AIFM3: variants seen among roughly 807,000 people sequenced by gnomAD.
The protein encoded by AIFM3 is apoptosis-inducing factor 3.
A neutral mutation model predicts 82.7 loss-of-function variants in AIFM3; 71 were observed. The ratio of observed to expected loss-of-function variants is 0.86; its 90% CI spans 0.71 to 1.05. AIFM3 has a LOEUF of 1.05. AIFM3 is among the 50% of genes least tolerant of loss of function. The pLI is 0.00. For missense variants in AIFM3, 748 were observed against 816.7 expected (o/e 0.92, Z 1.03); for synonymous variants, 337 against 329.1 (o/e 1.02, Z -0.26).
chr22:20,967,619 A>T, intron 1 of AIFM3, 186 bp from the exon 2 acceptor site: 1 of 425,862 alleles, frequency 2.3e-6, no homozygotes, highest in South Asian at 3.6e-5. Context: ...GGAGTGAGGG[A>T]GCTGAGCTTG....
At chr22:20,976,983 C>T (rs964569212) in intron 13 of AIFM3, 45 bp downstream of exon 13, 4 of 1,614,162 alleles carry the variant, frequency 2.5e-6, no homozygotes, top group Non-Finnish European at 3.4e-6. Context: ...TCCTCTGTCC[C>T]CTGAGCCTGG....
intron 2 of AIFM3, among the ~76,000 whole-genome samples, chr22:20,973,079 C>G (rs1446604443): frequency 6.6e-6 from 1 of 151,102 alleles, no homozygotes; most frequent in Non-Finnish European, 1.5e-5. Context: ...CATGCAGAAA[C>G]GAATTCAAGC....
chr22:20,978,148 C>T, intron 16 of AIFM3, 143 bp downstream of exon 16: 1 of 783,550 alleles, frequency 1.3e-6, no homozygotes, highest in African/African-American at 1.7e-5. Flanking sequence ...TGGCCAGCCT[C>T]ATCTCGGCGA....
intron 20 of AIFM3, 24 bp downstream of exon 20, chr22:20,980,791 C>T (rs199723855): frequency 1.2e-5 from 20 of 1,614,108 alleles, no homozygotes; most frequent in South Asian, 1.1e-4. Context: ...TCATGTTGAC[C>T]GTTCTGAGCC....
chr22:20,974,090 G>A lies in AIFM3; in HGVS notation c.383G>A (p.Cys128Tyr). Residue 128 changes from cysteine (C) to tyrosine (Y), a missense_variant, in exon 5 of 21, where the codon TGC (cysteine) becomes TAC (tyrosine). Coordinates refer to ENST00000440238, the MANE Select transcript of AIFM3 (RefSeq NM_001386814.1). ...GTTCTGTCCCGTGGTCGGGTGCGCT[G>A]CCCCTGGCACGGCGCCTGCTTCAAC... ...KGVLSRGRVR[C>Y]PWHGACFNIS... The A allele has an allele frequency of 6.2e-7, 1 of 1,611,800 alleles. No individual in the cohort carries two copies.
At chr22:20,977,546 G>C in intron 14 of AIFM3, 154 bp from the exon 15 acceptor site, 1 of 841,398 alleles carries the variant, frequency 1.2e-6, no homozygotes, top group Non-Finnish European at 1.9e-6. Flanking sequence ...GTGGGAGACC[G>C]GGTAGTGGGG....
In AIFM3 at chr22:20,973,196, G is replaced by T. The variant is rs1923380634; in HGVS notation, c.32-111G>T. On this transcript the variant is annotated intron_variant, in intron 2 of 20. Transcript: ENST00000440238. ...AGAGGGAATTCTGGGGAGGTTGCCA[G>T]GCAGGGCTGAGCCTCCTGGCACCCC... 12 of 1,292,210 alleles carry T rather than the reference G, an allele frequency of 9.3e-6. No homozygotes were observed. The Admixed American group carries it at 2.5e-4, about 27-fold the overall frequency. The allele number at this position is 1,292,210 out of a possible 1,614,324, so 80.0% of individuals were successfully genotyped here. A position where few individuals can be genotyped will look rare whatever the true frequency, so the allele number is the denominator to read the frequency against.
chr22:20,974,827 T>C lies in AIFM3; in HGVS notation c.720+11T>C. 1 of 1,611,084 alleles carries C rather than the reference T, an allele frequency of 6.2e-7. No homozygotes were observed. Among genetic ancestry groups the C allele is most frequent in the South Asian group, 1.1e-5 (1 of 90,928 alleles). ...CCCAAGCTCAGCAAGGTACAGGGGGTGGGGCAAGTAGGGACCCTATCCCTC... is the reference window on the plus strand; with the variant it reads ...CCCAAGCTCAGCAAGGTACAGGGGGCGGGGCAAGTAGGGACCCTATCCCTC... On this transcript the variant is annotated intron_variant, in intron 8 of 20. Coordinates refer to ENST00000440238, the MANE Select transcript of AIFM3 (RefSeq NM_001386814.1).
At position 20,971,713 on chromosome 22, in the gene AIFM3, G is replaced by A. The variant is rs572321954; in HGVS notation, c.32-1594G>A. Among the ~76,000 whole-genome samples, 27 of 152,288 alleles carry A rather than the reference G, an allele frequency of 1.8e-4. 1 individual carries two copies. The highest frequency in any genetic ancestry group is 8.5e-4 in the Admixed American group (13 of 15,302). ...GAGAGGTACCTCCTGCTCCAGCATC[G>A]GGCCCATGCTGTGCCAGGGGCTTAG... On this transcript the variant is annotated intron_variant, in intron 2 of 20. Coordinates refer to ENST00000440238, the MANE Select transcript of AIFM3 (RefSeq NM_001386814.1).
In AIFM3 at chr22:20,980,104, C is replaced by A. The variant is rs1436586991; in HGVS notation, c.1737C>A (p.Ala579=). The change falls in exon 19 of 21, where the codon GCC becomes GCA. Residue 579 remains alanine, a synonymous_variant. Coordinates refer to ENST00000440238, the MANE Select transcript of AIFM3 (RefSeq NM_001386814.1). The stretch of plus-strand genomic sequence containing the variant: ...CTGAGGTGCTGGCCTCAGGCCGTGC[C>A]ATCCGGAAGCGGGAGGTGGAGTGAG... ...KVAEVLASGR[A]IRKREVELFV... 1.2e-6 allele frequency: 2 copies of A among 1,608,860 alleles called. No homozygotes were observed. Among genetic ancestry groups the A allele is most frequent in the Non-Finnish European group, 1.7e-6 (2 of 1,179,982 alleles).
upstream of AIFM3, among the ~76,000 whole-genome samples, chr22:20,966,171 AG>A (rs1159636546): frequency 2.6e-5 from 4 of 152,204 alleles, no homozygotes; most frequent in Non-Finnish European, 5.9e-5. Context: ...CCCAGTGGCA[AG>A]ACCAGGTCTG....
chr22:20,980,214 C>A, intron 19 of AIFM3, 90 bp downstream of exon 19: 2 of 1,172,290 alleles, frequency 1.7e-6, no homozygotes, highest in Non-Finnish European at 2.4e-6. Context: ...CCCCACAACC[C>A]TCCAGGGCCT....
intron 16 of AIFM3, among the ~76,000 whole-genome samples, chr22:20,978,239 T>G (rs1193205864): frequency 6.6e-6 from 1 of 152,172 alleles, no homozygotes; most frequent in Non-Finnish European, 1.5e-5. Context: ...AGTCTCTCCC[T>G]TTTTTGTCTT....
In AIFM3 at chr22:20,976,218, G is replaced by A. The variant is rs199698549; in HGVS notation, c.811G>A (p.Val271Ile). Reference protein sequence around the residue: ...GIEVLTEAQVVTVDVRTKKVV... With the variant: ...GIEVLTEAQVITVDVRTKKVV... ...CTCTGCCTGGTGGGGATTGCAGGTGGTCACAGTGGACGTGAGAACTAAGAA... is the reference window on the plus strand; with the variant it reads ...CTCTGCCTGGTGGGGATTGCAGGTGATCACAGTGGACGTGAGAACTAAGAA... Residue 271 changes from valine to isoleucine, a missense_variant, in exon 10 of 21, where the codon GTC becomes ATC. Val to Ile is a conservative substitution (Grantham distance 29). This residue lies in a region of AIFM3 where 393 missense variants were observed against 481.1 expected (regional missense o/e 0.82). Transcript: ENST00000440238. The A allele has an allele frequency of 8.7e-6, 14 of 1,613,188 alleles. No homozygotes were observed. The highest frequency in any genetic ancestry group is 1.6e-4 in the Middle Eastern group (1 of 6,062).
At chr22:20,975,137 T>G (rs927017133) in intron 8 of AIFM3, among the ~76,000 whole-genome samples, 1 of 151,974 alleles carries the variant, frequency 6.6e-6, no homozygotes, top group Non-Finnish European at 1.5e-5. Flanking sequence ...GGCTAATTTT[T>G]TGTATTTTTA....
In AIFM3 at chr22:20,979,808, G is replaced by A. The variant is rs553554123; in HGVS notation, c.1652+106G>A. The A allele has an allele frequency of 4.3e-4, 602 of 1,404,218 alleles. 4 individuals carry two copies. In the South Asian group the frequency reaches 6.6e-3, roughly 15 times the overall value. 87.0% of individuals were successfully genotyped at this position (1,404,218 alleles called of 1,614,324 possible). On this transcript the variant is annotated intron_variant, in intron 18 of 20. Transcript: ENST00000440238. ...GAACAAGAGCCCAGCCCTGAGCCCC[G>A]CTGAGGAGTGCTGGAGCTTCCTTAG...
rs779898129 is a variant in AIFM3, at chr22:20,976,815, G to A, written c.1146+49G>A. The A allele has an allele frequency of 4.4e-5, 70 of 1,594,422 alleles. No individual in the cohort carries two copies. In the Admixed American group the frequency reaches 5.7e-4, roughly 13 times the overall value. On this transcript the variant is annotated intron_variant, in intron 12 of 20. Transcript: ENST00000440238. ...GCCTTGGAGCCCTGGGGCCCAGCCC[G>A]GCCCCTGGCTGGGCTCTCATCCACC... is the stretch of plus-strand genomic sequence containing the variant.
chr22:20,980,349 A>C (rs105033), intron 19 of AIFM3: 596,623 of 600,644 alleles, frequency 0.99, 296,347 homozygotes, highest in South Asian at 1. Context: ...GATGTGTGTC[A>C]CCAGGCAGGG....
rs1193684356 is a variant in AIFM3 at position 20,973,809 on chromosome 22, T to C, written c.297T>C (p.Asn99=). ...GGAAGGTGTTGCTGGTGAAGGACAA[T>C]GGGGAGTTCCACGCCCTGGGCCATA... ...GWGKVLLVKD[N]GEFHALGHKC... Residue 99 remains asparagine, a synonymous_variant, in exon 4 of 21, where the codon AAT becomes AAC. Coordinates refer to ENST00000440238, the MANE Select transcript of AIFM3 (RefSeq NM_001386814.1). The C allele has an allele frequency of 1.3e-6, 2 of 1,583,936 alleles. No homozygotes were observed. Among genetic ancestry groups the C allele is most frequent in the East Asian group, 2.3e-5 (1 of 43,760 alleles).
Sources: gnomAD v4.1 joint callset for allele counts (sites outside exome capture counted in the v4.1 genomes callset) on GRCh38, gnomAD v4.1.1 for gene constraint, gnomAD v4.1.1 regional missense constraint, MANE v1.5 for transcripts, NCBI Gene and HGNC (gene_info 2026-07-23, HGNC 2026-07-21) for gene names.